C6orf52: variants seen among roughly 807,000 people sequenced by gnomAD.
The protein encoded by C6orf52 is putative uncharacterized protein C6orf52.
A neutral mutation model predicts 16.6 loss-of-function variants in C6orf52; 16 were observed. The observed-to-expected ratio is 0.96, with a 90% CI of 0.65 to 1.46. C6orf52 has a LOEUF of 1.46. C6orf52 is among the 40% of genes most tolerant of loss of function. The pLI is 0.00. For missense variants in C6orf52, 166 were observed against 182.3 expected (o/e 0.91, Z 0.52); for synonymous variants, 53 against 61.4 (o/e 0.86, Z 0.64).
intron 1 of C6orf52, among the ~76,000 whole-genome samples, chr6:10,693,607 T>C (rs1769552895): frequency 6.6e-6 from 1 of 152,260 alleles, no homozygotes; most frequent in Non-Finnish European, 1.5e-5. Flanking sequence ...CTATGCATCT[T>C]GTTTACCAAA....
intron 3 of C6orf52, among the ~76,000 whole-genome samples, chr6:10,686,093 C>G (rs939173456): frequency 2.0e-4 from 30 of 152,160 alleles, no homozygotes; most frequent in Admixed American, 8.5e-4. Context: ...TACAATGGCA[C>G]AATCATGGCT....
chr6:10,675,149 A>G (rs1356329332), intron 4 of C6orf52, among the ~76,000 whole-genome samples: 1 of 152,062 alleles, frequency 6.6e-6, no homozygotes, highest in African/African-American at 2.4e-5. Context: ...TAGCTAACTG[A>G]AATTCTATCT....
chr6:10,676,533 C>T (rs1397888782), intron 4 of C6orf52, among the ~76,000 whole-genome samples: 1 of 152,224 alleles, frequency 6.6e-6, no homozygotes, highest in African/African-American at 2.4e-5. Context: ...AAAATGGCGG[C>T]TCCATCTTCT....
chr6:10,681,695 G>A (rs2127465310), intron 4 of C6orf52, among the ~76,000 whole-genome samples: 1 of 152,302 alleles, frequency 6.6e-6, no homozygotes, highest in Non-Finnish European at 1.5e-5. Flanking sequence ...ACACACTAGA[G>A]ATTAATTTGT....
At chr6:10,694,173 T>C (rs1769624536) in intron 1 of C6orf52, among the ~76,000 whole-genome samples, 1 of 150,602 alleles carries the variant, frequency 6.6e-6, no homozygotes, top group African/African-American at 2.5e-5. Flanking sequence ...GGCAGGAGAA[T>C]TGCTTGAACC....
chr6:10,686,406 T>C (rs376147978), intron 3 of C6orf52, among the ~76,000 whole-genome samples: 3 of 152,118 alleles, frequency 2.0e-5, no homozygotes, highest in South Asian at 4.1e-4. Flanking sequence ...GGGAAGGGAA[T>C]GGGGAAGGAG....
chr6:10,673,977 TAAC>T (rs1238894641), intron 4 of C6orf52, among the ~76,000 whole-genome samples: 3 of 152,194 alleles, frequency 2.0e-5, no homozygotes, highest in Admixed American at 6.5e-5. Flanking sequence ...TTTGGGCTGC[TAAC>T]AACATATCAG....
intron 4 of C6orf52, among the ~76,000 whole-genome samples, chr6:10,674,004 CG>C (rs200442214): frequency 0.011 from 1,666 of 152,224 alleles, 33 homozygotes; most frequent in African/African-American, 0.036. Context: ...CTGACTAGTT[CG>C]TAAACAACAC....
intron 3 of C6orf52, chr6:10,684,918 G>A: frequency 7.8e-7 from 1 of 1,282,722 alleles, no homozygotes; most frequent in South Asian, 1.2e-5. Flanking sequence ...ATGGCACAGG[G>A]GGTCACTACA....
chr6:10,672,677 A>T, intron 4 of C6orf52: 1 of 665,336 alleles, frequency 1.5e-6, no homozygotes, highest in Non-Finnish European at 2.7e-6. Context: ...AAAAGAGCAG[A>T]GAACTTGCTC....
chr6:10,690,263 A>G (rs1233702704), intron 1 of C6orf52, among the ~76,000 whole-genome samples: 1 of 152,182 alleles, frequency 6.6e-6, no homozygotes, highest in Admixed American at 6.5e-5. Context: ...TTGCTCACTA[A>G]AAGCCCCAAA....
chr6:10,688,671 A>G (rs1031067224), intron 1 of C6orf52, among the ~76,000 whole-genome samples: 3 of 152,218 alleles, frequency 2.0e-5, no homozygotes, highest in African/African-American at 7.2e-5. Flanking sequence ...ACACCCTCCC[A>G]TAAACCTTAA....
At chr6:10,684,882 G>A (rs1768727078) in intron 3 of C6orf52, 11 of 1,289,022 alleles carry the variant, frequency 8.5e-6, no homozygotes, top group Non-Finnish European at 1.1e-5. Flanking sequence ...TTCCCAACAG[G>A]GGACACCCAG....
At chr6:10,675,443 G>C (rs1433428632) in intron 4 of C6orf52, among the ~76,000 whole-genome samples, 2 of 152,116 alleles carry the variant, frequency 1.3e-5, no homozygotes, top group East Asian at 1.9e-4. Flanking sequence ...TGGGCATTTA[G>C]TTTGATTCTG....
chr6:10,692,744 A>G (rs1769451544), intron 1 of C6orf52, among the ~76,000 whole-genome samples: 1 of 152,178 alleles, frequency 6.6e-6, no homozygotes, highest in African/African-American at 2.4e-5. Context: ...TTTTTGAGAC[A>G]GAGTCCTGAC....
At chr6:10,691,367 C>T (rs564342789) in intron 1 of C6orf52, among the ~76,000 whole-genome samples, 68 of 152,064 alleles carry the variant, frequency 4.5e-4, no homozygotes, top group Non-Finnish European at 8.1e-4. Context: ...TAAGGAGGTC[C>T]GTGTGAGAGG....
chr6:10,684,231 C>T (rs561873117), intron 3 of C6orf52, among the ~76,000 whole-genome samples: 1 of 152,154 alleles, frequency 6.6e-6, no homozygotes, highest in Non-Finnish European at 1.5e-5. Flanking sequence ...CCACTTGAAC[C>T]CAGGAGATCA....
chr6:10,675,295 G>A (rs1303615356), intron 4 of C6orf52, among the ~76,000 whole-genome samples: 2 of 151,976 alleles, frequency 1.3e-5, no homozygotes, highest in African/African-American at 2.4e-5. Context: ...TTGTTCTTCC[G>A]TGCCTGGTTT....
intron 4 of C6orf52, among the ~76,000 whole-genome samples, chr6:10,680,481 C>G (rs543438743): frequency 6.6e-6 from 1 of 152,220 alleles, no homozygotes; most frequent in African/African-American, 2.4e-5. Flanking sequence ...GTAGTTTTTT[C>G]TTGTTGTGTC....
Sources: allele counts gnomAD v4.1 joint callset (sites outside exome capture counted in the v4.1 genomes callset), GRCh38; gene constraint gnomAD v4.1.1; transcripts MANE v1.5; gene names NCBI Gene and HGNC (gene_info 2026-07-23, HGNC 2026-07-21).